The following CSMD1 variants were observed in gnomAD, a reference collection of about 807,000 sequenced individuals.
CSMD1 encodes CUB and sushi domain-containing protein 1.
A neutral mutation model predicts 417.5 loss-of-function variants in CSMD1; 213 were observed. The observed-to-expected ratio is 0.51, with a 90% CI of 0.46 to 0.57. CSMD1 has a LOEUF of 0.57. Ranked by LOEUF, CSMD1 falls within the 20% of genes least tolerant of loss-of-function variation. The pLI is 0.00. For synonymous variants in CSMD1, 2,862 were observed against 1,736.8 expected (o/e 1.65, Z -16.11); for missense variants, 6,923 against 4,529.7 (o/e 1.53, Z -15.17).
chr8:4,003,033 A>G (rs921086290), intron 4 of CSMD1, among the ~76,000 whole-genome samples: 3 of 152,168 alleles, frequency 2.0e-5, no homozygotes, highest in African/African-American at 7.2e-5. Context: ...AAACAACACA[A>G]TAAAAAAATA....
chr8:2,955,544 C>T (rs1242838381), intron 64 of CSMD1, 45 bp downstream of exon 64: 2 of 1,597,600 alleles, frequency 1.3e-6, no homozygotes, highest in African/African-American at 1.3e-5. Context: ...TGATCCTTTC[C>T]CTTGCTCTTT....
At chr8:4,578,331 C>CA (rs1799238414) in intron 2 of CSMD1, among the ~76,000 whole-genome samples, 1 of 54,354 alleles carries the variant, frequency 1.8e-5, no homozygotes, top group Non-Finnish European at 3.1e-5. Flanking sequence ...ACACCCGGCT[C>CA]ATTTTTTTTT....
intron 5 of CSMD1, among the ~76,000 whole-genome samples, chr8:3,809,822 G>A (rs1280541457): frequency 2.0e-5 from 3 of 152,148 alleles, no homozygotes; most frequent in Non-Finnish European, 4.4e-5. Context: ...TTCACATACT[G>A]AAAACGCAAG....
Position 3,367,063 on chromosome 8 carries a change from A to C in CSMD1, c.3084T>G (p.Ile1028Met). 6.2e-7 allele frequency: 1 copy of C among 1,613,774 alleles called. No homozygotes were observed. Reference sequence around the variant, plus strand: ...ATGTGATATTGAAGCCCTCGTACGAAATTGAGAAGTCTGATATAAACCGAA... The same window carrying C: ...ATGTGATATTGAAGCCCTCGTACGACATTGAGAAGTCTGATATAAACCGAA... ...AQLRFISDFSISYEGFNITFS... is the reference protein window; with the variant it reads ...AQLRFISDFSMSYEGFNITFS... Residue 1028 changes from isoleucine to methionine, a missense_variant, in exon 20 of 70, where the codon ATT becomes ATG. Transcript: ENST00000635120.
intron 5 of CSMD1, among the ~76,000 whole-genome samples, chr8:3,826,361 T>G (rs1802054890): frequency 1.3e-5 from 2 of 152,174 alleles, no homozygotes; most frequent in African/African-American, 2.4e-5. Flanking sequence ...GAAAATTGCC[T>G]CTGATGCAAA....
chr8:3,306,600 C>A (rs1444473484), intron 25 of CSMD1, among the ~76,000 whole-genome samples: 1 of 152,012 alleles, frequency 6.6e-6, no homozygotes, highest in Non-Finnish European at 1.5e-5. Context: ...CAGATTAAGG[C>A]TATTGGAGGT....
intron 26 of CSMD1, among the ~76,000 whole-genome samples, chr8:3,263,183 C>T (rs1393303004): frequency 6.6e-6 from 1 of 152,214 alleles, no homozygotes; most frequent in Non-Finnish European, 1.5e-5. Context: ...ACTGCAACCC[C>T]TGCCTCCTGG....
chr8:3,223,774 C>A lies in CSMD1; in HGVS notation c.4439G>T (p.Arg1480Ile). The A allele has an allele frequency of 6.2e-7, 1 of 1,613,948 alleles. No homozygotes were observed. Among genetic ancestry groups the A allele is most frequent in the Non-Finnish European group, 8.5e-7 (1 of 1,179,850 alleles). The change falls in exon 28 of 70, where the codon AGA becomes ATA. Residue 1480 changes from arginine (R) to isoleucine (I), a missense_variant. Coordinates refer to ENST00000635120, the MANE Select transcript of CSMD1 (RefSeq NM_033225.6). ...GACAAAGTCCGGGTTCACTTTTACT[C>A]TCCAGTCACATTCCTTCCCAGGAGG... is the stretch of plus-strand genomic sequence containing the variant. ...PYPPGKECDW[R>I]VKVNPDFVIA...
At chr8:3,044,598 G>A (rs934706106) in intron 50 of CSMD1, among the ~76,000 whole-genome samples, 5 of 151,350 alleles carry the variant, frequency 3.3e-5, no homozygotes, top group African/African-American at 9.7e-5. Flanking sequence ...TCGTGTCTTC[G>A]ATGATCCAAA....
At chr8:3,785,193 T>G (rs765750347) in intron 5 of CSMD1, among the ~76,000 whole-genome samples, 2 of 152,208 alleles carry the variant, frequency 1.3e-5, no homozygotes, top group Non-Finnish European at 2.9e-5. Flanking sequence ...TGATGACTAC[T>G]GAATTAAAGA....
intron 7 of CSMD1, among the ~76,000 whole-genome samples, chr8:3,685,224 A>T (rs188494432): frequency 3.3e-5 from 5 of 152,362 alleles, no homozygotes; most frequent in African/African-American, 7.2e-5. Context: ...CTTGTTTTAC[A>T]CCAAAAATAG....
chr8:4,241,208 T>A lies in CSMD1; in HGVS notation c.415+178745A>T, dbSNP rs138641972. Among the ~76,000 whole-genome samples, 1,488 of 152,302 alleles carry A rather than the reference T, an allele frequency of 9.8e-3. 15 individuals are homozygous for A. Among genetic ancestry groups the A allele is most frequent in the South Asian group, 0.023 (112 of 4,832 alleles). ...GAACTCTCCAGTCAAACAAAGTCCA[T>A]GACTTGTAGCACACTAGAATAGAAT... On this transcript the variant is annotated intron_variant, in intron 3 of 69. Coordinates refer to ENST00000635120, the MANE Select transcript of CSMD1 (RefSeq NM_033225.6).
intron 11 of CSMD1, among the ~76,000 whole-genome samples, chr8:3,492,333 G>T (rs1016057508): frequency 7.2e-5 from 11 of 151,958 alleles, no homozygotes; most frequent in Middle Eastern, 3.2e-3. Context: ...GCTCCCCATG[G>T]GTGTCTCACA....
At chr8:4,299,480 T>C (rs1259088375) in intron 3 of CSMD1, among the ~76,000 whole-genome samples, 1 of 152,188 alleles carries the variant, frequency 6.6e-6, no homozygotes, top group Non-Finnish European at 1.5e-5. Context: ...AACAGATACT[T>C]ACTCAATAGC....
At chr8:4,036,167 T>A (rs1174452167) in intron 3 of CSMD1, among the ~76,000 whole-genome samples, 3 of 152,166 alleles carry the variant, frequency 2.0e-5, no homozygotes, top group Non-Finnish European at 4.4e-5. Flanking sequence ...TGGGTTTGTG[T>A]AAGTGTGCTC....
intron 5 of CSMD1, among the ~76,000 whole-genome samples, chr8:3,756,895 A>T (rs1206867835): frequency 6.6e-6 from 1 of 152,090 alleles, no homozygotes; most frequent in Non-Finnish European, 1.5e-5. Flanking sequence ...TCCTGGGCTC[A>T]AGCCATCCGC....
At chr8:3,999,665 G>C (rs544999236) in intron 4 of CSMD1, among the ~76,000 whole-genome samples, 1 of 152,140 alleles carries the variant, frequency 6.6e-6, no homozygotes, top group Non-Finnish European at 1.5e-5. Flanking sequence ...GGGATGCCAG[G>C]CTGGTCTACA....
chr8:3,832,760 A>C (rs1802450127), intron 5 of CSMD1, among the ~76,000 whole-genome samples: 1 of 152,180 alleles, frequency 6.6e-6, no homozygotes, highest in Non-Finnish European at 1.5e-5. Flanking sequence ...AAATATGATC[A>C]GATTTTTAAC....
chr8:3,807,115 A>G (rs984944868), intron 5 of CSMD1, among the ~76,000 whole-genome samples: 21 of 152,112 alleles, frequency 1.4e-4, no homozygotes, highest in African/African-American at 4.8e-4. Context: ...AATTGACTTT[A>G]ATAGGGCACA....
Sources: allele counts gnomAD v4.1 joint callset (sites outside exome capture counted in the v4.1 genomes callset), GRCh38; gene constraint gnomAD v4.1.1; transcripts MANE v1.5; gene names NCBI Gene and HGNC (gene_info 2026-07-23, HGNC 2026-07-21).